The following OPN5 variants were observed in gnomAD, a reference collection of about 807,000 sequenced individuals.
OPN5 encodes opsin-5.
Under a neutral mutation model 41.7 loss-of-function variants are expected in OPN5, and 18 were observed. That is an observed-to-expected ratio of 0.43 (90% CI 0.30 to 0.64). The LOEUF (loss-of-function observed/expected upper bound fraction) is 0.64. Among genes scored for constraint, OPN5 ranks in the 30% least tolerant of loss-of-function variants. The pLI is 0.13. For synonymous variants in OPN5, 178 were observed against 164.3 expected, an observed-to-expected ratio of 1.08 and a Z score of -0.64; for missense variants, 318 against 434.5, an observed-to-expected ratio of 0.73 and a Z score of 2.38.
rs369513566 is a variant in OPN5 at position 47,811,615 on chromosome 6, T to C, written c.999-59T>C. 1.5e-4 allele frequency: 157 copies of C among 1,066,470 alleles called. 1 individual carries two copies. The African/African-American group carries it at 2.3e-3, about 16-fold the overall frequency. The allele number at this position is 1,066,470 out of a possible 1,614,324, so 66.1% of individuals were successfully genotyped here. ...ATACATATGTATGTATATGTACATATGTATTTATGTGTGTGTATATGTAGA... is the reference window on the plus strand; with the variant it reads ...ATACATATGTATGTATATGTACATACGTATTTATGTGTGTGTATATGTAGA... On this transcript the variant is annotated intron_variant, in intron 5 of 6. Transcript: ENST00000371211.
intron 5 of OPN5, among the ~76,000 whole-genome samples, chr6:47,810,861 G>A (rs1774164323): frequency 6.6e-6 from 1 of 152,104 alleles, no homozygotes; most frequent in Non-Finnish European, 1.5e-5. Flanking sequence ...CTCCACCCTG[G>A]CTGTGTAATG....
intron 4 of OPN5, among the ~76,000 whole-genome samples, chr6:47,801,211 C>T (rs948924091): frequency 3.9e-5 from 6 of 152,098 alleles, no homozygotes; most frequent in Admixed American, 6.6e-5. Context: ...GACCCTACAG[C>T]GTGGCACCTG....
intron 6 of OPN5, among the ~76,000 whole-genome samples, chr6:47,822,925 A>G (rs1488956196): frequency 6.6e-6 from 1 of 152,226 alleles, no homozygotes; most frequent in Non-Finnish European, 1.5e-5. Context: ...AAAGTGGGAT[A>G]AGACTTTCCT....
chr6:47,819,354 A>ATATATATATATATATATAAAT lies in OPN5; in HGVS notation c.1057-4629_1057-4628insTATATATATATATATATAAAT, dbSNP rs1389298718. Among the ~76,000 whole-genome samples, 29 of 59,054 alleles carry ATATATATATATATATATAAAT rather than the reference A, an allele frequency of 4.9e-4. 1 individual carries two copies. The highest frequency in any genetic ancestry group is 1.4e-3 in the African/African-American group (28 of 20,224). 38.7% of individuals were successfully genotyped at this position (59,054 alleles called of 152,430 possible). A position where few individuals can be genotyped will look rare whatever the true frequency, so the allele number is the denominator to read the frequency against. ...AATTAGGAATATATATATATATATA[A>ATATATATATATATATATAAAT]AAAATATATTACCGTATAAGTAGAA... On this transcript the variant is annotated intron_variant, in intron 6 of 6. Transcript: ENST00000371211.
intron 2 of OPN5, 51 bp downstream of exon 2, chr6:47,786,685 C>G: frequency 6.5e-7 from 1 of 1,546,738 alleles, no homozygotes; most frequent in Middle Eastern, 1.7e-4. Context: ...ACTCCCCATT[C>G]TAAAGTACTC....
intron 6 of OPN5, among the ~76,000 whole-genome samples, chr6:47,813,529 A>T (rs1762328790): frequency 6.6e-6 from 1 of 152,102 alleles, no homozygotes; most frequent in Non-Finnish European, 1.5e-5. Context: ...CAGACTCCAA[A>T]GGCTTTGTTG....
At chr6:47,822,523 C>T (rs899185478) in intron 6 of OPN5, among the ~76,000 whole-genome samples, 5 of 152,192 alleles carry the variant, frequency 3.3e-5, no homozygotes, top group African/African-American at 7.2e-5. Flanking sequence ...TGAAATGAAA[C>T]ATGACAGCAC....
chr6:47,790,957 C>T (rs1401260074), intron 2 of OPN5, among the ~76,000 whole-genome samples: 2 of 152,304 alleles, frequency 1.3e-5, no homozygotes, highest in South Asian at 4.1e-4. Context: ...AAACCAAATT[C>T]CCCTTTTCAT....
At chr6:47,792,371 T>C (rs951345071) in intron 3 of OPN5, among the ~76,000 whole-genome samples, 1 of 152,206 alleles carries the variant, frequency 6.6e-6, no homozygotes, top group Non-Finnish European at 1.5e-5. Flanking sequence ...GATTCTCCCT[T>C]AGGACTCACG....
chr6:47,809,016 G>A (rs1002215158), intron 5 of OPN5, among the ~76,000 whole-genome samples: 7 of 152,168 alleles, frequency 4.6e-5, no homozygotes, highest in Non-Finnish European at 5.9e-5. Flanking sequence ...CAAGTCTACT[G>A]GGTTTCAAAA....
At chr6:47,795,677 A>G (rs1773534069) in intron 4 of OPN5, 114 bp downstream of exon 4, 1 of 710,882 alleles carries the variant, frequency 1.4e-6, no homozygotes, top group African/African-American at 1.8e-5. Context: ...TTCTTTACGT[A>G]ATTCTGAACT....
intron 5 of OPN5, among the ~76,000 whole-genome samples, chr6:47,811,346 A>T (rs950382735): frequency 2.0e-5 from 3 of 152,088 alleles, no homozygotes; most frequent in Non-Finnish European, 4.4e-5. Context: ...CATAAAGAAC[A>T]TTCCTTCAGT....
In OPN5 at chr6:47,808,412, T is replaced by C. The variant is rs751408542; in HGVS notation, c.998+17T>C. The stretch of plus-strand genomic sequence containing the variant: ...AGGCTTCAGGTAAAACTTCAGAAGC[T>C]GGAAATGAATTACACTCTCTTTGTT... On this transcript the variant is annotated intron_variant, in intron 5 of 6. Transcript: ENST00000371211. The C allele has an allele frequency of 5.0e-6, 8 of 1,613,536 alleles. No individual in the cohort carries two copies. The highest frequency in any genetic ancestry group is 1.7e-4 in the Middle Eastern group (1 of 6,058).
chr6:47,801,767 T>C (rs1773782887), intron 4 of OPN5, among the ~76,000 whole-genome samples: 2 of 152,090 alleles, frequency 1.3e-5, no homozygotes, highest in African/African-American at 4.8e-5. Flanking sequence ...TCCCTTTTTT[T>C]CTTTGTTACC....
rs551545683 is a variant in OPN5, at chr6:47,801,947, G to C, written c.757-6207G>C. On this transcript the variant is annotated intron_variant, in intron 4 of 6. Coordinates refer to ENST00000371211, the Ensembl canonical transcript of OPN5. The stretch of plus-strand genomic sequence containing the variant: ...TAATCATGAAAAAGTTTTAAACTAG[G>C]AGTCAATCCCAATTTTGCCACTAGC... Among the ~76,000 whole-genome samples the C allele has an allele frequency of 7.2e-5, 11 of 152,252 alleles. No individual in the cohort carries two copies. The East Asian group carries it at 2.1e-3, about 29-fold the overall frequency.
At chr6:47,795,161 C>A in intron 3 of OPN5, 68 bp from the exon 4 acceptor site, 2 of 1,145,856 alleles carry the variant, frequency 1.7e-6, no homozygotes, top group Non-Finnish European at 2.4e-6. Context: ...TGGAATTTGA[C>A]ATATCGAGGG....
chr6:47,791,204 T>C (rs550907934), intron 2 of OPN5, among the ~76,000 whole-genome samples: 7 of 151,996 alleles, frequency 4.6e-5, no homozygotes, highest in Admixed American at 1.3e-4. Flanking sequence ...AATCTATTAA[T>C]AACCAGCATT....
At chr6:47,817,554 G>C (rs1023238345) in intron 6 of OPN5, among the ~76,000 whole-genome samples, 1 of 152,046 alleles carries the variant, frequency 6.6e-6, no homozygotes, top group African/African-American at 2.4e-5. Context: ...CAGAGCTTGG[G>C]TATCTCCTGA....
At chr6:47,811,878 G>A in intron 6 of OPN5, 147 bp downstream of exon 6, 1 of 480,748 alleles carries the variant, frequency 2.1e-6, no homozygotes, top group Non-Finnish European at 3.7e-6. Flanking sequence ...AGGGGTTGCT[G>A]GGAAATTCCA....
Sources: allele counts gnomAD v4.1 joint callset (sites outside exome capture counted in the v4.1 genomes callset), GRCh38; gene constraint gnomAD v4.1.1; transcripts MANE v1.5; gene names NCBI Gene and HGNC (gene_info 2026-07-23, HGNC 2026-07-21).